Variants in VAV3 observed in about 807,000 individuals in gnomAD.
VAV3 encodes guanine nucleotide exchange factor VAV3.
Under a neutral mutation model 131.2 loss-of-function variants are expected in VAV3, and 94 were observed. The observed-to-expected ratio is 0.72, with a 90% CI of 0.61 to 0.85. The LOEUF is 0.85. Among genes scored for constraint, VAV3 ranks in the 40% least tolerant of loss-of-function variants. The pLI is 0.00. For synonymous variants in VAV3, 349 were observed against 342.0 expected (o/e 1.02, Z -0.22); for missense variants, 939 against 1,002.7 (o/e 0.94, Z 0.86).
chr1:107,621,527 A>G (rs563478888), intron 20 of VAV3, among the ~76,000 whole-genome samples: 1 of 152,236 alleles, frequency 6.6e-6, no homozygotes, highest in Admixed American at 6.5e-5. Context: ...ATGAAATTGC[A>G]GACTGTAACT....
Position 107,596,340 on chromosome 1 carries a change from TC to T in VAV3, c.2221del (p.Glu741AsnfsTer18). ...ATGATGCTTGTAGTACTCCACAAGT[TC>T]CTTTGGAAAAAAGAATCCAACATAT... ...AENRKFKSLM[E>X]LVEYYKHHSL... On this transcript the variant is annotated frameshift_variant and splice_region_variant, in exon 25 of 27. Coordinates refer to ENST00000370056, the MANE Select transcript of VAV3 (RefSeq NM_006113.5). LOFTEE classifies it high-confidence loss of function. The T allele has an allele frequency of 6.2e-7, 1 of 1,610,164 alleles. No individual in the cohort carries two copies. The highest frequency in any genetic ancestry group is 8.5e-7 in the Non-Finnish European group (1 of 1,178,516).
chr1:107,591,114 G>C (rs902486867), intron 25 of VAV3, among the ~76,000 whole-genome samples: 1 of 151,996 alleles, frequency 6.6e-6, no homozygotes, highest in African/African-American at 2.4e-5. Flanking sequence ...TGCTATGCAG[G>C]TTCCCTATTG....
chr1:107,851,896 T>C (rs990916072), intron 2 of VAV3, among the ~76,000 whole-genome samples: 1 of 152,332 alleles, frequency 6.6e-6, no homozygotes, highest in African/African-American at 2.4e-5. Context: ...CTGATTTTTT[T>C]AAAAAAGTTT....
intron 13 of VAV3, among the ~76,000 whole-genome samples, chr1:107,750,138 C>A (rs1663620409): frequency 6.6e-6 from 1 of 152,086 alleles, no homozygotes. Context: ...ATAATTTGCT[C>A]AAGATCACAC....
chr1:107,725,324 A>G (rs2101940781), intron 15 of VAV3, among the ~76,000 whole-genome samples: 1 of 152,262 alleles, frequency 6.6e-6, no homozygotes, highest in African/African-American at 2.4e-5. Flanking sequence ...CCTTAACATC[A>G]TGAATGGTCC....
rs555247468 is a variant in VAV3, at chr1:107,955,612, G to C, written c.204+9054C>G. 2.0e-5 allele frequency among the ~76,000 whole-genome samples: 3 copies of C among 152,220 alleles called. No individual in the cohort carries two copies. In the East Asian group the frequency reaches 5.8e-4, roughly 29 times the overall value. On this transcript the variant is annotated intron_variant, in intron 1 of 26. Transcript: ENST00000370056. ...CACACCTGGGAGAAAAGTCAGGGAA[G>C]ACAATACAAAGATGACTCTTGAACT...
chr1:107,876,090 G>A (rs1203045684), intron 1 of VAV3, among the ~76,000 whole-genome samples: 1 of 152,180 alleles, frequency 6.6e-6, no homozygotes, highest in Non-Finnish European at 1.5e-5. Flanking sequence ...CTTAGTAAGA[G>A]TGACCAGTTA....
At chr1:107,706,762 T>C (rs1409504467) in intron 15 of VAV3, among the ~76,000 whole-genome samples, 1 of 152,236 alleles carries the variant, frequency 6.6e-6, no homozygotes, top group Non-Finnish European at 1.5e-5. Flanking sequence ...GATAGGGTCA[T>C]AGATGATTTG....
At chr1:107,620,941 C>A (rs533075818) in intron 20 of VAV3, among the ~76,000 whole-genome samples, 1 of 152,036 alleles carries the variant, frequency 6.6e-6, no homozygotes, top group African/African-American at 2.4e-5. Context: ...ATAAGAAATG[C>A]TCTAAAACTA....
chr1:107,778,123 A>G (rs574299444), intron 3 of VAV3, among the ~76,000 whole-genome samples: 1 of 152,322 alleles, frequency 6.6e-6, no homozygotes, highest in South Asian at 2.1e-4. Flanking sequence ...AAACCAGAGG[A>G]TCCATCAAAA....
intron 2 of VAV3, among the ~76,000 whole-genome samples, chr1:107,832,911 C>T (rs945419573): frequency 3.3e-5 from 5 of 152,096 alleles, no homozygotes; most frequent in African/African-American, 1.2e-4. Flanking sequence ...TTCAAAGAAC[C>T]ATACTATTCT....
chr1:107,677,760 C>G (rs1036460288), intron 19 of VAV3: 1 of 152,118 alleles, frequency 6.6e-6, no homozygotes, highest in South Asian at 2.1e-4. Flanking sequence ...AGTCATATTA[C>G]TGATGTATAT....
At chr1:107,902,538 T>C (rs1403204387) in intron 1 of VAV3, among the ~76,000 whole-genome samples, 1 of 152,250 alleles carries the variant, frequency 6.6e-6, no homozygotes, top group African/African-American at 2.4e-5. Flanking sequence ...TAGTCTTATG[T>C]AGGAGTTTTT....
intron 1 of VAV3, among the ~76,000 whole-genome samples, chr1:107,898,600 G>A (rs1029641616): frequency 6.6e-6 from 1 of 152,042 alleles, no homozygotes; most frequent in African/African-American, 2.4e-5. Context: ...GTCCCTGCAG[G>A]GTAATAGGAA....
At chr1:107,801,564 C>T (rs1666829832) in intron 2 of VAV3, among the ~76,000 whole-genome samples, 1 of 152,068 alleles carries the variant, frequency 6.6e-6, no homozygotes, top group African/African-American at 2.4e-5. Context: ...TGAGTGTTGG[C>T]CAATCTCAGA....
chr1:107,693,114 T>A (rs1229792200), intron 17 of VAV3, among the ~76,000 whole-genome samples: 2 of 152,136 alleles, frequency 1.3e-5, no homozygotes, highest in Non-Finnish European at 2.9e-5. Context: ...TCAGAGAAGC[T>A]TGCATAGTGG....
intron 17 of VAV3, among the ~76,000 whole-genome samples, chr1:107,692,840 G>A (rs1287415976): frequency 5.9e-5 from 9 of 152,148 alleles, no homozygotes; most frequent in Non-Finnish European, 2.9e-5. Flanking sequence ...TCTCACTAAA[G>A]GAAAAGATGC....
At chr1:107,925,637 A>T (rs1673112750) in intron 1 of VAV3, among the ~76,000 whole-genome samples, 1 of 152,154 alleles carries the variant, frequency 6.6e-6, no homozygotes, top group South Asian at 2.1e-4. Context: ...TCAAATGCAT[A>T]GGTACAAAAA....
intron 1 of VAV3, among the ~76,000 whole-genome samples, chr1:107,897,610 G>A (rs186094550): frequency 1.2e-4 from 19 of 152,150 alleles, no homozygotes; most frequent in Non-Finnish European, 2.1e-4. Flanking sequence ...ACTATTTGGC[G>A]TCCTGCACCA....
Sources: allele counts gnomAD v4.1 joint callset (sites outside exome capture counted in the v4.1 genomes callset), GRCh38; gene constraint gnomAD v4.1.1; transcripts MANE v1.5; gene names NCBI Gene and HGNC (gene_info 2026-07-23, HGNC 2026-07-21).